SAP18: variants seen among roughly 807,000 people sequenced by gnomAD.
SAP18 encodes histone deacetylase complex subunit SAP18.
SAP18 carries 4 observed loss-of-function variants against 18.6 expected under a neutral mutation model. The ratio of observed to expected loss-of-function variants is 0.21; its 90% CI spans 0.11 to 0.49. SAP18 has a LOEUF of 0.49. SAP18 is among the 20% of genes least tolerant of loss of function. The pLI is 0.98. For synonymous variants in SAP18, 112 were observed against 82.8 expected (o/e 1.35, Z -1.92); for missense variants, 170 against 226.4 (o/e 0.75, Z 1.60).
chr13:21,147,313 C>T (rs752761827), exon 4 of SAP18: 1 of 1,613,768 alleles, frequency 6.2e-7, no homozygotes, highest in Non-Finnish European at 8.5e-7. Flanking sequence ...TCGGGCACCA[C>T]CTCCTTCAGG....
At chr13:21,144,716 C>T (rs1308411654) in intron 2 of SAP18, among the ~76,000 whole-genome samples, 1 of 152,144 alleles carries the variant, frequency 6.6e-6, no homozygotes, top group East Asian at 1.9e-4. Flanking sequence ...TACTGAACCC[C>T]ACCCTGTCCT....
At chr13:21,147,694 A>C (rs1261118286) in exon 4 of SAP18, 7 of 178,714 alleles carry the variant, frequency 3.9e-5, no homozygotes, top group African/African-American at 1.4e-4. Context: ...GCAGAACAAG[A>C]AAGCCACGGG....
exon 4 of SAP18, chr13:21,148,441 C>T (rs2137342934): frequency 6.6e-6 from 1 of 152,076 alleles, no homozygotes; most frequent in Non-Finnish European, 1.5e-5. Flanking sequence ...ATTGTAAATT[C>T]CCTTTAGTTT....
chr13:21,145,529 CA>C (rs1869619985), intron 2 of SAP18, among the ~76,000 whole-genome samples: 1 of 152,008 alleles, frequency 6.6e-6, no homozygotes. Flanking sequence ...GTTTTTGAGA[CA>C]GAGTCTCAGT....
At position 21,140,689 on chromosome 13, in the gene SAP18, C is replaced by T; in HGVS notation, c.129+8C>T. ...CCGATCGACCGCGAGAAGGTGAAGG[C>T]CCCCTCCGCTTTGGGGTCCGGGAAG... is the stretch of plus-strand genomic sequence containing the variant. On this transcript the variant is annotated splice_region_variant and intron_variant, in intron 1 of 3. Coordinates refer to ENST00000621421, the Ensembl canonical transcript of SAP18. 1 of 1,610,322 alleles carries T rather than the reference C, an allele frequency of 6.2e-7. No homozygotes were observed. The highest frequency in any genetic ancestry group is 2.2e-5 in the East Asian group (1 of 44,610).
chr13:21,140,879 C>A lies in SAP18; in HGVS notation c.130-7C>A, dbSNP rs767488618. The A allele has an allele frequency of 1.2e-6, 2 of 1,611,124 alleles. No individual in the cohort carries two copies. The highest frequency in any genetic ancestry group is 1.1e-5 in the South Asian group (1 of 91,018). On this transcript the variant is annotated splice_region_variant and splice_polypyrimidine_tract_variant and intron_variant, in intron 1 of 3. Coordinates refer to ENST00000621421, the Ensembl canonical transcript of SAP18. Reference sequence around the variant, plus strand: ...ACTTCTGCCCTTCCGTTTTCTCTCTCCCTCAGACATGCCCACTGTTGCTAC... The same window carrying A: ...ACTTCTGCCCTTCCGTTTTCTCTCTACCTCAGACATGCCCACTGTTGCTAC...
At chr13:21,147,159 A>G in intron 3 of SAP18, 27 bp from the exon 4 acceptor site, 1 of 1,600,998 alleles carries the variant, frequency 6.2e-7, no homozygotes, top group South Asian at 1.1e-5. Context: ...ATTTGGATCC[A>G]TTAACAGTTG....
chr13:21,140,770 T>TG, intron 1 of SAP18, 89 bp downstream of exon 1: 1 of 1,591,222 alleles, frequency 6.3e-7, no homozygotes, highest in African/African-American at 1.3e-5. Context: ...CTGGAGGAGA[T>TG]GGTGTTTTTG....
chr13:21,140,815 G>C, intron 1 of SAP18, 71 bp from the exon 2 acceptor site: 1 of 1,571,722 alleles, frequency 6.4e-7, no homozygotes. Context: ...AACGCCTCGG[G>C]AAGAGAGATG....
At chr13:21,146,062 G>T (rs981408807) in intron 2 of SAP18, among the ~76,000 whole-genome samples, 5 of 152,168 alleles carry the variant, frequency 3.3e-5, no homozygotes, top group African/African-American at 1.2e-4. Flanking sequence ...AACACATCTG[G>T]CTGGGCGCAG....
exon 4 of SAP18, chr13:21,147,380 G>A (rs962258295): frequency 6.4e-7 from 1 of 1,563,104 alleles, no homozygotes; most frequent in East Asian, 2.3e-5. Flanking sequence ...TTTTCCGTCA[G>A]TTATGTAAAA....
intron 3 of SAP18, 126 bp downstream of exon 3, chr13:21,147,053 G>A (rs1449060248): frequency 1.5e-5 from 21 of 1,425,498 alleles, no homozygotes. Flanking sequence ...TACGTGGTTT[G>A]GCTTAATAAA....
rs761522973 is a variant in SAP18 at position 21,146,931 on chromosome 13, G to A, written c.362+4G>A. 2 of 1,601,722 alleles carry A rather than the reference G, an allele frequency of 1.2e-6. No homozygotes were observed. The highest frequency in any genetic ancestry group is 1.7e-6 in the Non-Finnish European group (2 of 1,176,336). ...ATGTTAAAAGACCTGGCTATCGGTAGGTAACTTCTCATTTTTAAGTCCTGT... is the reference window on the plus strand; with the variant it reads ...ATGTTAAAAGACCTGGCTATCGGTAAGTAACTTCTCATTTTTAAGTCCTGT... On this transcript the variant is annotated splice_donor_region_variant and intron_variant, in intron 3 of 3. Coordinates refer to ENST00000621421, the Ensembl canonical transcript of SAP18.
upstream of SAP18, among the ~76,000 whole-genome samples, chr13:21,140,186 C>T (rs959074088): frequency 1.8e-4 from 27 of 152,194 alleles, no homozygotes; most frequent in African/African-American, 6.5e-4. Flanking sequence ...GCCCCTCTTC[C>T]GGCTTACCTC....
chr13:21,140,328 A>C (rs1442405077), upstream of SAP18, among the ~76,000 whole-genome samples: 1 of 152,222 alleles, frequency 6.6e-6, no homozygotes, highest in Non-Finnish European at 1.5e-5. Context: ...TCGCCTGTGA[A>C]TATTTAAGGG....
intron 2 of SAP18, among the ~76,000 whole-genome samples, chr13:21,142,268 C>T (rs990226628): frequency 1.3e-5 from 2 of 150,890 alleles, no homozygotes; most frequent in African/African-American, 4.9e-5. Context: ...GCCTGGGCGA[C>T]AGAGCGAGAC....
intron 2 of SAP18, among the ~76,000 whole-genome samples, chr13:21,141,962 AG>A (rs1298753051): frequency 6.6e-6 from 1 of 150,668 alleles, no homozygotes; most frequent in Non-Finnish European, 1.5e-5. Flanking sequence ...TACTGCGCCC[AG>A]CCTAAAATAA....
At chr13:21,140,647 A>G (rs1487229594) in exon 1 of SAP18, 1 of 1,612,870 alleles carries the variant, frequency 6.2e-7, no homozygotes, top group Non-Finnish European at 8.5e-7. Flanking sequence ...GAGGAAATTA[A>G]GAAGGAGCCA....
At chr13:21,145,810 C>T (rs761240858) in intron 2 of SAP18, among the ~76,000 whole-genome samples, 14 of 151,970 alleles carry the variant, frequency 9.2e-5, no homozygotes, top group Non-Finnish European at 7.4e-5. Context: ...TGAGCCTCCG[C>T]ACCTGGCAAA....
Sources: allele counts gnomAD v4.1 joint callset (sites outside exome capture counted in the v4.1 genomes callset), GRCh38; gene constraint gnomAD v4.1.1; transcripts MANE v1.5; gene names NCBI Gene and HGNC (gene_info 2026-07-23, HGNC 2026-07-21).